The following ABHD12B variants were observed in gnomAD, a reference collection of about 807,000 sequenced individuals.
ABHD12B encodes the protein abhydrolase domain containing 12B, also known as protein ABHD12B.
In ABHD12B, 42 loss-of-function variants were observed where a neutral mutation model predicts 50.4. The ratio of observed to expected loss-of-function variants is 0.83; its 90% CI spans 0.65 to 1.08. The LOEUF (loss-of-function observed/expected upper bound fraction) is 1.08. Among genes scored for constraint, ABHD12B ranks in the 50% least tolerant of loss-of-function variants. The pLI is 0.00. For synonymous variants in ABHD12B, 167 were observed against 160.3 expected, an observed-to-expected ratio of 1.04 and a Z score of -0.32; for missense variants, 479 against 447.7, an observed-to-expected ratio of 1.07 and a Z score of -0.63.
Position 50,872,235 on chromosome 14 carries a change from A to T in ABHD12B, c.61A>T (p.Ser21Cys), listed in dbSNP as rs1319801013. 2 of 1,394,360 alleles carry T rather than the reference A, an allele frequency of 1.4e-6. No homozygotes were observed. The highest frequency in any genetic ancestry group is 1.9e-6 in the Non-Finnish European group (2 of 1,071,226). 86.4% of individuals were successfully genotyped at this position (1,394,360 alleles called of 1,614,324 possible). A position where few individuals can be genotyped will look rare whatever the true frequency, so the allele number is the denominator to read the frequency against. The change falls in exon 1 of 13, where the codon AGC becomes TGC. Residue 21 changes from serine (S) to cysteine (C), a missense_variant. By Grantham distance (112) the Ser-to-Cys change is moderately radical (BLOSUM62 -1). Transcript: ENST00000337334. ...SPEPPGPPAR[S>C]CVAAWWDMVD... ...CGAGCCGCCCGGGCCCCCAGCCCGT[A>T]GCTGCGTGGCCGCCTGGTGGGACAT...
intron 9 of ABHD12B, among the ~76,000 whole-genome samples, chr14:50,900,172 G>A (rs780398199): frequency 6.6e-6 from 1 of 152,178 alleles, no homozygotes; most frequent in African/African-American, 2.4e-5. Context: ...TTTGAGCGCT[G>A]CAGTGAGCCA....
Position 50,885,678 on chromosome 14 carries a change from G to A in ABHD12B, c.532+19G>A. The A allele has an allele frequency of 6.2e-7, 1 of 1,614,194 alleles. No homozygotes were observed. The highest frequency in any genetic ancestry group is 8.5e-7 in the Non-Finnish European group (1 of 1,180,028). ...TACAGAGGTATGTGTTAAGAACGGT[G>A]TACAAAGATGTTTCAGTAACCAGGG... On this transcript the variant is annotated intron_variant, in intron 6 of 12. Coordinates refer to ENST00000337334, the MANE Select transcript of ABHD12B (RefSeq NM_001206673.2).
Position 50,904,690 on chromosome 14 carries a change from T to G in ABHD12B, c.*324T>G, listed in dbSNP as rs2050308154. ...TTTGTGAATAAGGTAGTTGCTATGG[T>G]CCGAATATCTGGGCCTGCCCCCCCA... On this transcript the variant is annotated 3_prime_UTR_variant, in exon 13 of 13. Transcript: ENST00000337334. 2.5e-6 allele frequency: 1 copy of G among 405,380 alleles called. No homozygotes were observed. Among genetic ancestry groups the G allele is most frequent in the Non-Finnish European group, 4.5e-6 (1 of 220,326 alleles). 25.1% of individuals were successfully genotyped at this position (405,380 alleles called of 1,614,324 possible). A position where few individuals can be genotyped will look rare whatever the true frequency, so the allele number is the denominator to read the frequency against.
intron 8 of ABHD12B, among the ~76,000 whole-genome samples, chr14:50,888,445 G>A (rs1450451476): frequency 1.3e-5 from 2 of 152,012 alleles, no homozygotes; most frequent in African/African-American, 2.4e-5. Context: ...CTCGTGATCC[G>A]CCTGCCGTGG....
chr14:50,902,401 T>C (rs2050271091), intron 10 of ABHD12B, among the ~76,000 whole-genome samples: 1 of 152,186 alleles, frequency 6.6e-6, no homozygotes, highest in South Asian at 2.1e-4. Flanking sequence ...GGAGGATCAC[T>C]TGAGCCTGGG....
In ABHD12B at chr14:50,904,134, C is replaced by G. The variant is rs34800262; in HGVS notation, c.1003C>G (p.Pro335Ala). ...NKERVKMVIF[P>A]PGFQHNLLCK... Reference sequence around the variant, plus strand: ...AGAGAGGGTCAAGATGGTTATCTTTCCTCCTGGCTTCCAACACAACCTGCT... The same window carrying G: ...AGAGAGGGTCAAGATGGTTATCTTTGCTCCTGGCTTCCAACACAACCTGCT... Residue 335 changes from proline to alanine, a missense_variant, in exon 12 of 13, where the codon CCT becomes GCT. Pro to Ala is a conservative substitution (Grantham distance 27). Coordinates refer to ENST00000337334, the MANE Select transcript of ABHD12B (RefSeq NM_001206673.2). The G allele has an allele frequency of 0.087, 140,944 of 1,613,526 alleles. 7,220 individuals are homozygous for G. The highest frequency in any genetic ancestry group is 0.2 in the South Asian group (18,127 of 90,962).
chr14:50,900,025 G>T (rs7161495), intron 9 of ABHD12B, among the ~76,000 whole-genome samples: 28,058 of 152,010 alleles, frequency 0.18, 3,319 homozygotes, highest in East Asian at 0.46. Context: ...ATGGCTTTGA[G>T]CCCAGGAGTT....
Position 50,884,254 on chromosome 14 carries a change from T to TTGTTG in ABHD12B, c.487-1360_487-1359insTGTTG, listed in dbSNP as rs1474912699. Among the ~76,000 whole-genome samples, 1,247 of 152,326 alleles carry TTGTTG rather than the reference T, an allele frequency of 8.2e-3. 22 individuals are homozygous for TTGTTG. The highest frequency in any genetic ancestry group is 0.029 in the African/African-American group (1,189 of 41,578). On this transcript the variant is annotated intron_variant, in intron 5 of 12. Transcript: ENST00000337334. ...GAGTAGGGTTTGTTGCAGTTGTGGT[T>TTGTTG]CTTGGGTTGTATTGCCTAGTGGTCC... is the stretch of plus-strand genomic sequence containing the variant.
intron 9 of ABHD12B, among the ~76,000 whole-genome samples, chr14:50,899,311 C>T (rs773438417): frequency 6.6e-6 from 1 of 152,212 alleles, no homozygotes; most frequent in East Asian, 1.9e-4. Context: ...CTATTTTATA[C>T]CCATTTCCTT....
chr14:50,873,233 CTTT>C (rs2049811268), intron 1 of ABHD12B, among the ~76,000 whole-genome samples: 2 of 142,388 alleles, frequency 1.4e-5, no homozygotes, highest in Non-Finnish European at 3.1e-5. Context: ...TTTTTTTTTT[CTTT>C]TTTGAGACAA....
chr14:50,904,065 C>G lies in ABHD12B; in HGVS notation c.943-9C>G. ...GGCCATCCTTTGAGTCTCTTTCTGTCGCTTGCAGCTCTATGAAATTGCACG... is the reference window on the plus strand; with the variant it reads ...GGCCATCCTTTGAGTCTCTTTCTGTGGCTTGCAGCTCTATGAAATTGCACG... On this transcript the variant is annotated splice_polypyrimidine_tract_variant and intron_variant, in intron 11 of 12. Coordinates refer to ENST00000337334, the MANE Select transcript of ABHD12B (RefSeq NM_001206673.2). 6.2e-7 allele frequency: 1 copy of G among 1,604,494 alleles called. No homozygotes were observed. Among genetic ancestry groups the G allele is most frequent in the Non-Finnish European group, 8.5e-7 (1 of 1,173,410 alleles).
At chr14:50,887,801 G>A (rs139330363) in intron 8 of ABHD12B, among the ~76,000 whole-genome samples, 1,583 of 152,250 alleles carry the variant, frequency 0.01, 34 homozygotes, top group African/African-American at 0.036. Context: ...CTAGACTGTA[G>A]TTCTTTGAGA....
intron 1 of ABHD12B, among the ~76,000 whole-genome samples, chr14:50,877,157 G>T (rs1420806597): frequency 6.6e-6 from 1 of 152,130 alleles, no homozygotes; most frequent in Non-Finnish European, 1.5e-5. Context: ...GTGCCTCATG[G>T]GTCCATCTCT....
At chr14:50,883,488 T>G (rs1700901417) in intron 5 of ABHD12B, among the ~76,000 whole-genome samples, 1 of 152,192 alleles carries the variant, frequency 6.6e-6, no homozygotes. Flanking sequence ...AGTACCATGT[T>G]TATTCATTTT....
intron 9 of ABHD12B, among the ~76,000 whole-genome samples, chr14:50,901,135 C>T (rs2050256165): frequency 6.6e-6 from 1 of 152,112 alleles, no homozygotes; most frequent in Non-Finnish European, 1.5e-5. Context: ...CAATATTGCT[C>T]AGGATTTTTA....
At chr14:50,903,587 C>A in intron 11 of ABHD12B, 120 bp downstream of exon 11, 1 of 728,884 alleles carries the variant, frequency 1.4e-6, no homozygotes, top group Non-Finnish European at 2.2e-6. Flanking sequence ...AGATTCTCTA[C>A]ACCCCTAAAT....
chr14:50,900,863 G>A (rs2050253707), intron 9 of ABHD12B, among the ~76,000 whole-genome samples: 1 of 152,184 alleles, frequency 6.6e-6, no homozygotes, highest in Non-Finnish European at 1.5e-5. Flanking sequence ...GACATGTTCA[G>A]GTTTAATCCA....
intron 4 of ABHD12B, among the ~76,000 whole-genome samples, chr14:50,880,882 T>C (rs1168299812): frequency 1.3e-5 from 2 of 152,176 alleles, no homozygotes; most frequent in African/African-American, 4.8e-5. Context: ...AACCCATGAA[T>C]GACAGGAAAG....
rs562718470 is a variant in ABHD12B at position 50,873,886 on chromosome 14, T to C, written c.104+1608T>C. On this transcript the variant is annotated intron_variant, in intron 1 of 12. Coordinates refer to ENST00000337334, the MANE Select transcript of ABHD12B (RefSeq NM_001206673.2). The stretch of plus-strand genomic sequence containing the variant: ...AGATAGGGAGTTGGGGACCATCTAT[T>C]ACTTGCCTTACTAATTAGTGAAAAA... 2.6e-5 allele frequency among the ~76,000 whole-genome samples: 4 copies of C among 152,350 alleles called. No homozygotes were observed. In the South Asian group the frequency reaches 6.2e-4, roughly 24 times the overall value.
Sources: allele counts gnomAD v4.1 joint callset (sites outside exome capture counted in the v4.1 genomes callset), GRCh38; gene constraint gnomAD v4.1.1; transcripts MANE v1.5; gene names NCBI Gene and HGNC (gene_info 2026-07-23, HGNC 2026-07-21).